KRTAP13-3: variants seen among roughly 807,000 people sequenced by gnomAD.
KRTAP13-3 encodes the protein keratin associated protein 13-3.
For synonymous variants in KRTAP13-3, 98 were observed against 79.4 expected (o/e 1.23, Z -1.25); for missense variants, 243 against 202.8 (o/e 1.20, Z -1.20).
At chr21:30,425,757 G>T (rs377654808) in exon 1 of KRTAP13-3, 10 of 1,614,170 alleles carry the variant, frequency 6.2e-6, no homozygotes, top group African/African-American at 1.3e-5. Context: ...AGCCCCTATA[G>T]AGAGAGGAAC....
chr21:30,425,433 T>G (rs779797647), exon 1 of KRTAP13-3: 2 of 1,589,260 alleles, frequency 1.3e-6, no homozygotes, highest in Admixed American at 3.5e-5. Flanking sequence ...GATAACAAGA[T>G]GAATGGAACC....
At chr21:30,425,614 C>A (rs374398797) in exon 1 of KRTAP13-3, 2 of 1,614,104 alleles carry the variant, frequency 1.2e-6, no homozygotes, top group Non-Finnish European at 1.7e-6. Flanking sequence ...TCCAAAACCC[C>A]GAGACCCAAC....
At chr21:30,425,404 C>T in exon 1 of KRTAP13-3, 1 of 1,558,732 alleles carries the variant, frequency 6.4e-7, no homozygotes. Flanking sequence ...TCAGTAGAAA[C>T]CAGATCTACA....
chr21:30,425,916 G>T lies in KRTAP13-3; in HGVS notation c.-4C>A, dbSNP rs1984292551. 3 of 1,606,876 alleles carry T rather than the reference G, an allele frequency of 1.9e-6. No homozygotes were observed. The African/African-American group carries it at 4.0e-5, about 21-fold the overall frequency. ...TAGAGCAACAGTTGTAGGACATGTT[G>T]ACGGGAAGATGTGAGTTCAGCTGAG... On this transcript the variant is annotated 5_prime_UTR_variant, in exon 1 of 1. Coordinates refer to ENST00000390690, the Ensembl canonical transcript of KRTAP13-3.
exon 1 of KRTAP13-3, chr21:30,425,651 G>A: frequency 3.1e-6 from 5 of 1,614,192 alleles, no homozygotes; most frequent in Non-Finnish European, 3.4e-6. Context: ...GAATTGCAGA[G>A]CATGTGAGTC....
exon 1 of KRTAP13-3, chr21:30,425,757 G>A: frequency 6.2e-7 from 1 of 1,614,170 alleles, no homozygotes; most frequent in East Asian, 2.2e-5. Context: ...AGCCCCTATA[G>A]AGAGAGGAAC....
exon 1 of KRTAP13-3, chr21:30,425,818 C>A (rs373797711): frequency 6.2e-7 from 1 of 1,614,140 alleles, no homozygotes; most frequent in Admixed American, 1.7e-5. Context: ...GACCAGGTTG[C>A]TGGGGTAGGA....
chr21:30,425,731 C>T, the KRTAP13-3 span: 2 of 1,614,040 alleles, frequency 1.2e-6, no homozygotes, highest in Admixed American at 1.7e-5. Flanking sequence ...GTTGGGCCTC[C>T]AGCAGGTCTC....
exon 1 of KRTAP13-3, chr21:30,425,607 A>C: frequency 6.2e-7 from 1 of 1,614,172 alleles, no homozygotes; most frequent in Non-Finnish European, 8.5e-7. Flanking sequence ...TATTGGATCC[A>C]AAACCCCGAG....
exon 1 of KRTAP13-3, chr21:30,425,404 C>G: frequency 6.4e-7 from 1 of 1,558,732 alleles, no homozygotes; most frequent in Non-Finnish European, 8.7e-7. Flanking sequence ...TCAGTAGAAA[C>G]CAGATCTACA....
chr21:30,425,901 G>C, exon 1 of KRTAP13-3: 1 of 1,610,462 alleles, frequency 6.2e-7, no homozygotes, highest in South Asian at 1.1e-5. Flanking sequence ...TAGAGCAACA[G>C]TTGTAGGACA....
At chr21:30,425,821 G>A (rs1324693957) in exon 1 of KRTAP13-3, 1 of 1,614,152 alleles carries the variant, frequency 6.2e-7, no homozygotes, top group Non-Finnish European at 8.5e-7. Flanking sequence ...CAGGTTGCTG[G>A]GGTAGGAAGA....
chr21:30,425,925 A>G (rs372034789), exon 1 of KRTAP13-3: 3 of 1,602,654 alleles, frequency 1.9e-6, no homozygotes, highest in Non-Finnish European at 2.6e-6. Context: ...TGACGGGAAG[A>G]TGTGAGTTCA....
At position 30,425,503 on chromosome 21, in the gene KRTAP13-3, G is replaced by A. The variant is rs757723965; in HGVS notation, c.410C>T (p.Ser137Phe). 1.4e-5 allele frequency: 23 copies of A among 1,613,598 alleles called. No homozygotes were observed. The South Asian group carries it at 1.8e-4, about 12-fold the overall frequency. The change falls in exon 1 of 1, where the codon TCC becomes TTC. Residue 137 changes from serine (S) to phenylalanine (F), a missense_variant. Transcript: ENST00000390690. ...TCTGGATCTATAACTCTGGGAAGGG[G>A]AGGTATGGATTCTATAATTCAGATA...
At chr21:30,425,823 G>A (rs544640067) in exon 1 of KRTAP13-3, 63 of 1,614,064 alleles carry the variant, frequency 3.9e-5, no homozygotes, top group Non-Finnish European at 5.2e-5. Flanking sequence ...GGTTGCTGGG[G>A]TAGGAAGAGC....
chr21:30,425,563 C>G, exon 1 of KRTAP13-3: 1 of 1,614,082 alleles, frequency 6.2e-7, no homozygotes, highest in Non-Finnish European at 8.5e-7. Flanking sequence ...CAGTGAGGAG[C>G]AGCTCCTGGA....
exon 1 of KRTAP13-3, chr21:30,425,871 G>A (rs1204133140): frequency 1.2e-6 from 2 of 1,613,894 alleles, no homozygotes; most frequent in African/African-American, 1.3e-5. Flanking sequence ...AACCCCCGTG[G>A]GAGCAGGAGG....
chr21:30,425,685 G>T, the KRTAP13-3 span: 1 of 1,614,152 alleles, frequency 6.2e-7, no homozygotes, highest in Non-Finnish European at 8.5e-7. Flanking sequence ...AGGAGGTGTG[G>T]CAGGGGCTGG....
At chr21:30,425,920 G>T (rs1448650202) in exon 1 of KRTAP13-3, 2 of 1,604,620 alleles carry the variant, frequency 1.2e-6, no homozygotes, top group Middle Eastern at 1.7e-4. Flanking sequence ...CATGTTGACG[G>T]GAAGATGTGA....
Sources: gnomAD v4.1 joint callset for allele counts on GRCh38, gnomAD v4.1.1 for gene constraint, MANE v1.5 for transcripts, NCBI Gene and HGNC (gene_info 2026-07-23, HGNC 2026-07-21) for gene names.